The following SEL1L2 variants were observed in gnomAD, a reference collection of about 807,000 sequenced individuals.
SEL1L2 encodes the protein SEL1L2 adaptor subunit of SYVN1 ubiquitin ligase, also known as protein sel-1 homolog 2.
In SEL1L2, 89 loss-of-function variants were observed where a neutral mutation model predicts 98.8. The observed-to-expected ratio is 0.90, with a 90% CI of 0.76 to 1.07. The LOEUF is 1.07. Ranked by LOEUF, SEL1L2 falls within the 50% of genes least tolerant of loss-of-function variation. The pLI is 0.00. For synonymous variants in SEL1L2, 262 were observed against 278.5 expected, an observed-to-expected ratio of 0.94 and a Z score of 0.59; for missense variants, 788 against 812.0, an observed-to-expected ratio of 0.97 and a Z score of 0.36.
intron 1 of SEL1L2, among the ~76,000 whole-genome samples, chr20:13,980,556 C>T (rs942458463): frequency 2.0e-5 from 3 of 152,214 alleles, no homozygotes; most frequent in South Asian, 2.1e-4. Context: ...TAAATTGGTA[C>T]AGCCATTATG....
chr20:13,865,217 T>C lies in SEL1L2; in HGVS notation c.1595A>G (p.Glu532Gly). 1 of 1,613,806 alleles carries C rather than the reference T, an allele frequency of 6.2e-7. No individual in the cohort carries two copies. The highest frequency in any genetic ancestry group is 8.5e-7 in the Non-Finnish European group (1 of 1,179,758). Residue 532 changes from glutamate (E) to glycine (G), a missense_variant, in exon 17 of 20, where the codon GAG becomes GGG. Transcript: ENST00000284951. ...GAGAAGCGCCATTGGATACATCTTC[T>C]CTTTTTCAAGAATGTTAGCCTTTTC... ...ESKKANILEK[E>G]KMYPMALLLW...
intron 10 of SEL1L2, among the ~76,000 whole-genome samples, chr20:13,882,202 C>A (rs1002911174): frequency 3.3e-5 from 5 of 152,210 alleles, no homozygotes; most frequent in Non-Finnish European, 7.3e-5. Flanking sequence ...AAAAGAGCTG[C>A]AGTAATAGCC....
chr20:13,865,188 A>G lies in SEL1L2; in HGVS notation c.1624T>C (p.Trp542Arg), dbSNP rs1254157080. ...ATACCTTGAATGGCAGCTCGATTCC[A>G]TAGGAGAAGCGCCATTGGATACATC... ...EKMYPMALLL[W>R]NRAAIQGNAF... is the part of the protein sequence containing the mutation. The change falls in exon 17 of 20, where the codon TGG becomes CGG. Residue 542 changes from tryptophan to arginine, a missense_variant. By Grantham distance (101) the Trp-to-Arg change is moderately radical. Coordinates refer to ENST00000284951, the MANE Select transcript of SEL1L2 (RefSeq NM_025229.2). 2 of 1,613,228 alleles carry G rather than the reference A, an allele frequency of 1.2e-6. No homozygotes were observed. The highest frequency in any genetic ancestry group is 1.7e-6 in the Non-Finnish European group (2 of 1,179,350).
At chr20:13,864,814 C>T (rs1409365571) in intron 17 of SEL1L2, among the ~76,000 whole-genome samples, 1 of 152,142 alleles carries the variant, frequency 6.6e-6, no homozygotes, top group Non-Finnish European at 1.5e-5. Context: ...GGTCATGTCT[C>T]TGATTAGTTC....
intron 18 of SEL1L2, among the ~76,000 whole-genome samples, chr20:13,852,342 G>A (rs140091670): frequency 8.4e-4 from 128 of 152,300 alleles, no homozygotes; most frequent in African/African-American, 2.8e-3. Flanking sequence ...TGCAGTGTGT[G>A]TGGGGCTGGG....
chr20:13,984,268 TC>T (rs1240708329), intron 1 of SEL1L2, among the ~76,000 whole-genome samples: 2 of 152,194 alleles, frequency 1.3e-5, no homozygotes, highest in African/African-American at 2.4e-5. Flanking sequence ...CGCCTTGGCC[TC>T]CCAAAGTGCT....
Position 13,908,983 on chromosome 20 carries a change from G to C in SEL1L2, c.549+4799C>G, listed in dbSNP as rs575038914. On this transcript the variant is annotated intron_variant, in intron 5 of 19. Coordinates refer to ENST00000284951, the MANE Select transcript of SEL1L2 (RefSeq NM_025229.2). Reference sequence around the variant, plus strand: ...TTTTTGTTCTTGTTATTGTTAAATAGGGTCCCTACCAGACCTCTGGCACTC... The same window carrying C: ...TTTTTGTTCTTGTTATTGTTAAATACGGTCCCTACCAGACCTCTGGCACTC... 5.4e-5 allele frequency among the ~76,000 whole-genome samples: 8 copies of C among 149,284 alleles called. No homozygotes were observed. In the South Asian group the frequency reaches 1.7e-3, roughly 31 times the overall value.
chr20:13,967,343 C>T (rs909221514), intron 1 of SEL1L2, among the ~76,000 whole-genome samples: 4 of 152,308 alleles, frequency 2.6e-5, no homozygotes, highest in African/African-American at 7.2e-5. Context: ...ACTGCTCCTA[C>T]CCCCTTTTCC....
intron 18 of SEL1L2, among the ~76,000 whole-genome samples, chr20:13,853,770 T>C (rs889786216): frequency 6.6e-6 from 1 of 152,206 alleles, no homozygotes; most frequent in Admixed American, 6.5e-5. Context: ...CTGCTTCTAG[T>C]ATTCTCACTT....
chr20:13,944,609 A>G (rs2049928191), intron 2 of SEL1L2, among the ~76,000 whole-genome samples: 1 of 152,214 alleles, frequency 6.6e-6, no homozygotes, highest in Non-Finnish European at 1.5e-5. Flanking sequence ...GTCAAGTCTC[A>G]GATCCATTTT....
intron 5 of SEL1L2, among the ~76,000 whole-genome samples, chr20:13,908,639 G>A (rs1367080651): frequency 6.6e-6 from 1 of 151,996 alleles, no homozygotes; most frequent in Non-Finnish European, 1.5e-5. Flanking sequence ...CATCTTCTAG[G>A]GTATGATTGT....
chr20:13,869,622 G>A (rs2046089834), intron 13 of SEL1L2, 32 bp from the exon 14 acceptor site: 4 of 1,553,612 alleles, frequency 2.6e-6, no homozygotes, highest in African/African-American at 1.4e-5. Context: ...TTACTCAAAG[G>A]CACAAGTAAA....
chr20:13,850,356 G>T, intron 18 of SEL1L2, 37 bp from the exon 19 acceptor site: 2 of 1,609,318 alleles, frequency 1.2e-6, no homozygotes. Context: ...ATCAGATTCT[G>T]TAGGGGTAAG....
In SEL1L2 at chr20:13,886,377, C is replaced by T. The variant is rs2046956919; in HGVS notation, c.811G>A (p.Glu271Lys). 6.2e-7 allele frequency: 1 copy of T among 1,613,802 alleles called. No individual in the cohort carries two copies. Among genetic ancestry groups the T allele is most frequent in the Non-Finnish European group, 8.5e-7 (1 of 1,179,746 alleles). ...VEKVRLTERP[E>K]NLSSNSEILD... ...ATCTCACTGTTAGAACTCAGATTTT[C>T]AGGTCTTTCCGTTAGTCTCACTTTT... Residue 271 changes from glutamate (E) to lysine (K), a missense_variant, in exon 9 of 20, where the codon GAA becomes AAA. Coordinates refer to ENST00000284951, the MANE Select transcript of SEL1L2 (RefSeq NM_025229.2).
chr20:13,906,177 C>T (rs1182933172), intron 5 of SEL1L2, among the ~76,000 whole-genome samples: 13 of 152,248 alleles, frequency 8.5e-5, no homozygotes, highest in South Asian at 2.1e-4. Context: ...CTCCCAGCCC[C>T]TGTAAGACAT....
rs150587602 is a variant in SEL1L2 at position 13,864,794 on chromosome 20, T to C, written c.1645+373A>G. Among the ~76,000 whole-genome samples, 301 of 152,328 alleles carry C rather than the reference T, an allele frequency of 2.0e-3. 1 individual carries two copies. Among genetic ancestry groups the C allele is most frequent in the African/African-American group, 6.8e-3 (284 of 41,568 alleles). Reference sequence around the variant, plus strand: ...ATAACTAATTTTGCTTGTAAACTCATTGAGACATGGGTCATGTCTCTGATT... The same window carrying C: ...ATAACTAATTTTGCTTGTAAACTCACTGAGACATGGGTCATGTCTCTGATT... On this transcript the variant is annotated intron_variant, in intron 17 of 19. Transcript: ENST00000284951.
At chr20:13,990,365 G>T (rs1466220166) in intron 1 of SEL1L2, 112 bp downstream of exon 1, 4 of 729,294 alleles carry the variant, frequency 5.5e-6, no homozygotes, top group East Asian at 5.2e-5. Flanking sequence ...AATGGCATTA[G>T]TTAGGGATAT....
At chr20:13,909,376 C>A (rs2048118420) in intron 5 of SEL1L2, among the ~76,000 whole-genome samples, 2 of 152,192 alleles carry the variant, frequency 1.3e-5, no homozygotes, top group African/African-American at 4.8e-5. Context: ...CTGTTCTTTG[C>A]ACAAGGAAAT....
chr20:13,891,128 A>C (rs1316727154), intron 5 of SEL1L2, among the ~76,000 whole-genome samples: 1 of 152,220 alleles, frequency 6.6e-6, no homozygotes. Context: ...CACAAATCTG[A>C]GGAAGGAAAT....
Sources: gnomAD v4.1 joint callset for allele counts (sites outside exome capture counted in the v4.1 genomes callset) on GRCh38, gnomAD v4.1.1 for gene constraint, MANE v1.5 for transcripts, NCBI Gene and HGNC (gene_info 2026-07-23, HGNC 2026-07-21) for gene names.